ME3: variants seen among roughly 807,000 people sequenced by gnomAD.
ME3 encodes NADP-dependent malic enzyme, mitochondrial.
In ME3, 48 loss-of-function variants were observed where a neutral mutation model predicts 68.9. The observed-to-expected ratio is 0.70, with a 90% CI of 0.55 to 0.89. The LOEUF (loss-of-function observed/expected upper bound fraction) is 0.89, where lower values mean the gene tolerates loss of function less well. Ranked by LOEUF, ME3 falls within the 40% of genes least tolerant of loss-of-function variation. The probability of loss-of-function intolerance (pLI) is 0.00; values close to 1 mark genes in which losing one functional copy is unlikely to be tolerated. For synonymous variants in ME3, 320 were observed against 318.8 expected, an observed-to-expected ratio of 1.00 and a Z score of -0.04; for missense variants, 675 against 797.4, an observed-to-expected ratio of 0.85 and a Z score of 1.85.
In ME3 at chr11:86,547,163, G is replaced by A. The variant is rs559163859; in HGVS notation, c.467+9390C>T. On this transcript the variant is annotated intron_variant, in intron 4 of 14. Coordinates refer to ENST00000543262, the Ensembl canonical transcript of ME3. ...TGAGGCAGGAGAATGGTGTGAAGCC[G>A]GGAGGCAGAGCTTGCAGTGAACCCA... Among the ~76,000 whole-genome samples, 938 of 148,764 alleles carry A rather than the reference G, an allele frequency of 6.3e-3. 3 individuals are homozygous for A. Among genetic ancestry groups the A allele is most frequent in the South Asian group, 0.022 (104 of 4,652 alleles).
intron 5 of ME3, among the ~76,000 whole-genome samples, chr11:86,503,102 C>T (rs1952835671): frequency 6.6e-6 from 1 of 152,168 alleles, no homozygotes; most frequent in African/African-American, 2.4e-5. Context: ...ATGCACACTT[C>T]TTAGTTTCAA....
At chr11:86,572,248 C>CA (rs753984837) in intron 2 of ME3, among the ~76,000 whole-genome samples, 4 of 151,282 alleles carry the variant, frequency 2.6e-5, no homozygotes, top group Non-Finnish European at 5.9e-5. Flanking sequence ...TACTTGCGGG[C>CA]AGCCCTGGAC....
At chr11:86,563,209 T>C (rs921150135) in intron 2 of ME3, among the ~76,000 whole-genome samples, 4 of 152,132 alleles carry the variant, frequency 2.6e-5, no homozygotes, top group African/African-American at 9.7e-5. Context: ...CTGGGTCCAG[T>C]GGTAGCTCTG....
chr11:86,613,071 T>C (rs1290047675), intron 2 of ME3, among the ~76,000 whole-genome samples: 3 of 152,206 alleles, frequency 2.0e-5, no homozygotes, highest in Non-Finnish European at 4.4e-5. Flanking sequence ...TACTCCATCT[T>C]GAGTTAATTT....
At chr11:86,549,893 G>A (rs771026130) in intron 4 of ME3, among the ~76,000 whole-genome samples, 14 of 152,278 alleles carry the variant, frequency 9.2e-5, no homozygotes, top group Non-Finnish European at 2.1e-4. Flanking sequence ...GGAGATGGAG[G>A]TTCTGTTATC....
intron 2 of ME3, among the ~76,000 whole-genome samples, chr11:86,671,012 C>T (rs753933426): frequency 1.6e-4 from 24 of 152,138 alleles, no homozygotes; most frequent in Non-Finnish European, 2.6e-4. Flanking sequence ...TCACCCAATC[C>T]TCTGAACCAA....
At chr11:86,556,907 A>G (rs1956959547) in intron 3 of ME3, among the ~76,000 whole-genome samples, 1 of 152,192 alleles carries the variant, frequency 6.6e-6, no homozygotes, top group African/African-American at 2.4e-5. Flanking sequence ...CATGGTGTAG[A>G]TACTGTTCTA....
chr11:86,646,265 G>A (rs1234371159), intron 2 of ME3, among the ~76,000 whole-genome samples: 1 of 152,148 alleles, frequency 6.6e-6, no homozygotes, highest in Admixed American at 6.5e-5. Flanking sequence ...AGCTAAAGGA[G>A]CATATGCTAA....
intron 4 of ME3, among the ~76,000 whole-genome samples, chr11:86,513,724 C>T (rs1216185615): frequency 6.6e-6 from 1 of 152,156 alleles, no homozygotes; most frequent in Non-Finnish European, 1.5e-5. Context: ...AAATGTATTG[C>T]AGGTGCCAGT....
intron 4 of ME3, among the ~76,000 whole-genome samples, chr11:86,548,728 CCTA>C (rs1410595248): frequency 9.2e-5 from 14 of 152,120 alleles, no homozygotes; most frequent in Non-Finnish European, 1.3e-4. Flanking sequence ...CCTGAGATCA[CCTA>C]CTAATATCCT....
At chr11:86,435,537 A>G in the ME3 span, 14 of 152,346 alleles carry the variant, frequency 9.2e-5, no homozygotes, top group Admixed American at 4.6e-4. Context: ...AGGGAAACCC[A>G]GAAAAGCTTT....
chr11:86,470,440 T>C (rs1950722852), intron 7 of ME3, among the ~76,000 whole-genome samples: 2 of 51,532 alleles, frequency 3.9e-5, no homozygotes, highest in Admixed American at 1.8e-4. Flanking sequence ...CTCTTGGTCT[T>C]TTTTTTTCTA....
intron 2 of ME3, among the ~76,000 whole-genome samples, chr11:86,665,284 G>T (rs1179174078): frequency 6.6e-6 from 1 of 152,188 alleles, no homozygotes; most frequent in Non-Finnish European, 1.5e-5. Flanking sequence ...ATGGGGGAAA[G>T]CAGGATGTGT....
At chr11:86,467,147 C>T (rs1373517311) in intron 7 of ME3, among the ~76,000 whole-genome samples, 2 of 152,172 alleles carry the variant, frequency 1.3e-5, no homozygotes, top group Admixed American at 6.5e-5. Flanking sequence ...TCCATCACCC[C>T]ATATAGTTAC....
At chr11:86,506,467 C>A (rs940453789) in intron 5 of ME3, among the ~76,000 whole-genome samples, 4 of 152,260 alleles carry the variant, frequency 2.6e-5, no homozygotes, top group African/African-American at 9.6e-5. Context: ...GCCCTTGATA[C>A]AGTTGTGCCC....
chr11:86,517,343 G>A (rs1160760584), intron 4 of ME3, among the ~76,000 whole-genome samples: 3 of 152,202 alleles, frequency 2.0e-5, no homozygotes, highest in African/African-American at 4.8e-5. Context: ...CATCCAGTGT[G>A]AGGGTGACAT....
intron 4 of ME3, among the ~76,000 whole-genome samples, chr11:86,531,549 C>T (rs1305932335): frequency 4.6e-5 from 7 of 152,166 alleles, no homozygotes; most frequent in African/African-American, 1.4e-4. Context: ...CACATGCACA[C>T]GCATGTTTAT....
chr11:86,475,868 TATATATAGAGAGAG>T (rs1332941813), intron 7 of ME3, among the ~76,000 whole-genome samples: 22 of 109,668 alleles, frequency 2.0e-4, no homozygotes, highest in Non-Finnish European at 2.7e-4. Flanking sequence ...TATATATATA[TATATATAGAGAGAG>T]AGAGAGAGAG....
intron 2 of ME3, among the ~76,000 whole-genome samples, chr11:86,593,465 T>C (rs1243603477): frequency 6.8e-6 from 1 of 146,668 alleles, no homozygotes; most frequent in Non-Finnish European, 1.5e-5. Flanking sequence ...ACATATATCA[T>C]ATGAGCCCCA....
Sources: gnomAD v4.1 joint callset for allele counts (sites outside exome capture counted in the v4.1 genomes callset) on GRCh38, gnomAD v4.1.1 for gene constraint, MANE v1.5 for transcripts, NCBI Gene and HGNC (gene_info 2026-07-23, HGNC 2026-07-21) for gene names.